The following IFT80 variants were observed in gnomAD, a reference collection of about 807,000 sequenced individuals.
IFT80 encodes intraflagellar transport protein 80 homolog.
A neutral mutation model predicts 107.9 loss-of-function variants in IFT80; 79 were observed. The observed-to-expected ratio is 0.73, with a 90% CI of 0.61 to 0.88. The LOEUF (loss-of-function observed/expected upper bound fraction) is 0.88. IFT80 is among the 40% of genes least tolerant of loss of function. The pLI, the probability that IFT80 is intolerant of heterozygous loss-of-function variation, is 0.00. For missense variants in IFT80, 797 were observed against 914.2 expected, an observed-to-expected ratio of 0.87 and a Z score of 1.65; for synonymous variants, 299 against 300.9, an observed-to-expected ratio of 0.99 and a Z score of 0.07.
chr3:160,260,269 C>A (rs1342078741), intron 19 of IFT80, among the ~76,000 whole-genome samples: 1 of 152,078 alleles, frequency 6.6e-6, no homozygotes, highest in African/African-American at 2.4e-5. Context: ...AAAAGCCAAG[C>A]AGATGTTAGA....
At chr3:160,273,169 TAA>T (rs1341395319) in intron 18 of IFT80, among the ~76,000 whole-genome samples, 1 of 152,210 alleles carries the variant, frequency 6.6e-6, no homozygotes, top group Non-Finnish European at 1.5e-5. Flanking sequence ...AAACAATATA[TAA>T]GTTTCCTGAG....
At chr3:160,383,524 C>T (rs1712688001) in intron 2 of IFT80, 1 of 751,542 alleles carries the variant, frequency 1.3e-6, no homozygotes. Flanking sequence ...GAATCCATTG[C>T]ATATGGATAT....
chr3:160,285,778 C>T, intron 13 of IFT80, 26 bp downstream of exon 13: 1 of 1,428,410 alleles, frequency 7.0e-7, no homozygotes, highest in Non-Finnish European at 9.8e-7. Context: ...TGGCTATTTA[C>T]ATTAGAAGTA....
At chr3:160,332,261 A>G (rs904545450) in intron 8 of IFT80, among the ~76,000 whole-genome samples, 18 of 152,156 alleles carry the variant, frequency 1.2e-4, no homozygotes, top group African/African-American at 4.3e-4. Context: ...TAGGTTTATT[A>G]CTCATAGATC....
At chr3:160,316,919 TG>T (rs1717863385) in intron 9 of IFT80, among the ~76,000 whole-genome samples, 3 of 152,174 alleles carry the variant, frequency 2.0e-5, no homozygotes, top group Admixed American at 2.0e-4. Context: ...GAGAAAGAGA[TG>T]AAGTCCTCTT....
Position 160,355,384 on chromosome 3 carries a change from GACC to G in IFT80, c.777+626_777+628del, listed in dbSNP as rs545045952. Among the ~76,000 whole-genome samples, 18 of 152,202 alleles carry G rather than the reference GACC, an allele frequency of 1.2e-4. No homozygotes were observed. In the South Asian group the frequency reaches 3.5e-3, roughly 30 times the overall value. ...CCACCTCAGTCTTCCCAGTAGCTGG[GACC>G]ACAGGTATGCACCATCATGCCTGGC... On this transcript the variant is annotated intron_variant, in intron 8 of 19. Transcript: ENST00000326448.
chr3:160,275,208 C>T (rs866670966), intron 18 of IFT80, among the ~76,000 whole-genome samples: 1 of 152,150 alleles, frequency 6.6e-6, no homozygotes, highest in Middle Eastern at 3.2e-3. Flanking sequence ...TTTAGAAGTA[C>T]TATTTCAACC....
At position 160,280,964 on chromosome 3, in the gene IFT80, C is replaced by A. The variant is rs538991665; in HGVS notation, c.1517-150G>T. 173 of 669,758 alleles carry A rather than the reference C, an allele frequency of 2.6e-4. 5 individuals are homozygous for A. In the South Asian group the frequency reaches 3.1e-3, roughly 12 times the overall value. 41.5% of individuals were successfully genotyped at this position (669,758 alleles called of 1,614,324 possible). A position where few individuals can be genotyped will look rare whatever the true frequency, so the allele number is the denominator to read the frequency against. ...TTCTATAATGGTGAAAAACACATAC[C>A]AAACAATCACACAAGAATTTACAGA... On this transcript the variant is annotated intron_variant, in intron 14 of 19. Transcript: ENST00000326448.
intron 18 of IFT80, among the ~76,000 whole-genome samples, chr3:160,276,899 G>A (rs143235629): frequency 7.2e-4 from 109 of 152,168 alleles, no homozygotes; most frequent in Non-Finnish European, 7.4e-4. Context: ...ATTTGCTAAT[G>A]ACTCCTAAAT....
intron 6 of IFT80, among the ~76,000 whole-genome samples, chr3:160,365,801 C>A (rs1721822711): frequency 6.6e-6 from 1 of 151,888 alleles, no homozygotes. Flanking sequence ...AACTCCAAAG[C>A]CTGTGTTCTT....
chr3:160,285,538 GA>G (rs1576752254), intron 13 of IFT80, among the ~76,000 whole-genome samples: 2 of 152,094 alleles, frequency 1.3e-5, no homozygotes, highest in African/African-American at 2.4e-5. Context: ...ACATGTAACT[GA>G]AAAACAGTGA....
chr3:160,387,094 T>C (rs1002847289), intron 1 of IFT80, among the ~76,000 whole-genome samples: 3 of 152,020 alleles, frequency 2.0e-5, no homozygotes, highest in African/African-American at 4.8e-5. Context: ...AAAAGAGAAA[T>C]GAAAGTGACT....
At chr3:160,275,739 G>C (rs1714213044) in intron 18 of IFT80, among the ~76,000 whole-genome samples, 1 of 152,092 alleles carries the variant, frequency 6.6e-6, no homozygotes, top group Non-Finnish European at 1.5e-5. Flanking sequence ...CTGGTCAAAA[G>C]AATGCTATAA....
chr3:160,267,878 C>A (rs1713466643), intron 19 of IFT80, among the ~76,000 whole-genome samples: 1 of 152,134 alleles, frequency 6.6e-6, no homozygotes, highest in South Asian at 2.1e-4. Context: ...TGACTTTCTT[C>A]TAATTAGAGT....
In IFT80 at chr3:160,399,206, T is replaced by G. The variant is rs1714150634; in HGVS notation, c.-107A>C. 6.6e-6 allele frequency: 1 copy of G among 152,154 alleles called. No individual in the cohort carries two copies. Among genetic ancestry groups the G allele is most frequent in the Non-Finnish European group, 1.5e-5 (1 of 68,046 alleles). 9.4% of individuals were successfully genotyped at this position (152,154 alleles called of 1,614,324 possible). A position where few individuals can be genotyped will look rare whatever the true frequency, so the allele number is the denominator to read the frequency against. On this transcript the variant is annotated 5_prime_UTR_variant, in exon 1 of 20. The change abolishes an upstream ATG in the 5' untranslated region. Transcript: ENST00000326448. Reference sequence around the variant, plus strand: ...AATACCTGGTACCTCCCCGTCACCATAGTGACTTCTAAGAGTTACGCTCCC... The same window carrying G: ...AATACCTGGTACCTCCCCGTCACCAGAGTGACTTCTAAGAGTTACGCTCCC...
intron 2 of IFT80, chr3:160,384,034 C>T (rs925079665): frequency 1.2e-5 from 7 of 564,110 alleles, no homozygotes; most frequent in Non-Finnish European, 1.3e-5. Flanking sequence ...CACCTGAGGT[C>T]GAGAGTTCGA....
intron 8 of IFT80, among the ~76,000 whole-genome samples, chr3:160,349,054 T>C (rs1040567649): frequency 6.6e-6 from 1 of 152,156 alleles, no homozygotes; most frequent in African/African-American, 2.4e-5. Context: ...CTTTTTTTAA[T>C]TGGGTACATT....
intron 19 of IFT80, among the ~76,000 whole-genome samples, chr3:160,267,158 C>T (rs760294242): frequency 8.5e-5 from 13 of 152,166 alleles, no homozygotes; most frequent in South Asian, 2.1e-4. Context: ...TAAGAATGGT[C>T]TCAAAGGCCT....
intron 8 of IFT80, among the ~76,000 whole-genome samples, chr3:160,347,644 G>A (rs574097769): frequency 3.3e-5 from 5 of 152,162 alleles, no homozygotes; most frequent in East Asian, 1.9e-4. Context: ...TTTTACTTAC[G>A]TGAGATCATA....
Sources: allele counts gnomAD v4.1 joint callset (sites outside exome capture counted in the v4.1 genomes callset), GRCh38; gene constraint gnomAD v4.1.1; transcripts MANE v1.5; gene names NCBI Gene and HGNC (gene_info 2026-07-23, HGNC 2026-07-21).